The following TRPC6 variants were observed in gnomAD, a reference collection of about 807,000 sequenced individuals.
The protein encoded by TRPC6 is transient receptor potential cation channel subfamily C member 6.
In TRPC6, 55 loss-of-function variants were observed where a neutral mutation model predicts 90.7. That is an observed-to-expected ratio of 0.61 (90% CI 0.49 to 0.76). TRPC6 has a LOEUF of 0.76. TRPC6 is among the 30% of genes least tolerant of loss of function. TRPC6 has a pLI of 0.00. For missense variants in TRPC6, 989 were observed against 1,122.7 expected, an observed-to-expected ratio of 0.88 and a Z score of 1.70; for synonymous variants, 393 against 393.0, an observed-to-expected ratio of 1.00 and a Z score of 0.00.
intron 1 of TRPC6, among the ~76,000 whole-genome samples, chr11:101,515,289 T>C (rs1860491401): frequency 6.6e-6 from 1 of 152,212 alleles, no homozygotes; most frequent in South Asian, 2.1e-4. Context: ...TGACCTCGTT[T>C]GTTTTTTTTG....
intron 5 of TRPC6, among the ~76,000 whole-genome samples, chr11:101,479,899 C>T (rs569954816): frequency 5.3e-5 from 8 of 152,160 alleles, no homozygotes; most frequent in Non-Finnish European, 1.0e-4. Flanking sequence ...ACTGAGACGG[C>T]TGGGCACGGT....
At chr11:101,478,200 T>G (rs1859459332) in intron 5 of TRPC6, among the ~76,000 whole-genome samples, 1 of 152,216 alleles carries the variant, frequency 6.6e-6, no homozygotes, top group African/African-American at 2.4e-5. Context: ...ATGTGCCTTT[T>G]CTTAAAGCCA....
At chr11:101,545,297 G>T (rs547761270) in intron 1 of TRPC6, among the ~76,000 whole-genome samples, 2 of 152,256 alleles carry the variant, frequency 1.3e-5, no homozygotes, top group South Asian at 2.1e-4. Flanking sequence ...ATTAGGTTTT[G>T]TAAGTAATAT....
chr11:101,501,127 ACAT>A (rs879602862), intron 2 of TRPC6, among the ~76,000 whole-genome samples: 23 of 151,002 alleles, frequency 1.5e-4, no homozygotes, highest in Middle Eastern at 3.4e-3. Context: ...ATACATACAT[ACAT>A]ACCATGAACA....
intron 5 of TRPC6, among the ~76,000 whole-genome samples, chr11:101,479,609 C>CAACT (rs1205867200): frequency 3.3e-5 from 5 of 152,206 alleles, no homozygotes; most frequent in African/African-American, 1.2e-4. Context: ...CCAGAAAGTA[C>CAACT]AACTTTCTTT....
chr11:101,572,696 A>T (rs1013838605), intron 1 of TRPC6, among the ~76,000 whole-genome samples: 2 of 152,222 alleles, frequency 1.3e-5, no homozygotes, highest in Non-Finnish European at 2.9e-5. Flanking sequence ...GGATGAGTTC[A>T]TGTCCTTTGT....
chr11:101,575,593 A>G (rs545769475), intron 1 of TRPC6, among the ~76,000 whole-genome samples: 1 of 152,336 alleles, frequency 6.6e-6, no homozygotes, highest in South Asian at 2.1e-4. Flanking sequence ...CCTAGCACAC[A>G]GAAGTCGCTA....
At chr11:101,551,236 T>C (rs1413351531) in intron 1 of TRPC6, among the ~76,000 whole-genome samples, 1 of 152,016 alleles carries the variant, frequency 6.6e-6, no homozygotes, top group Non-Finnish European at 1.5e-5. Flanking sequence ...TTAAATACAG[T>C]CAGTGAAACT....
intron 10 of TRPC6, among the ~76,000 whole-genome samples, chr11:101,463,724 G>T (rs1039394639): frequency 5.9e-5 from 9 of 151,462 alleles, no homozygotes; most frequent in African/African-American, 2.2e-4. Context: ...CCTGGCTAGT[G>T]GTCTATTTTG....
rs2136707648 is a variant in TRPC6, at chr11:101,491,714, G to T, written c.970C>A (p.Gln324Lys). ...AGTCCAACAACAAAGTCTTTGCACT[G>T]CATTGACAGTTTTTTGTAGTCATTC... is the stretch of plus-strand genomic sequence containing the variant. The part of the protein sequence containing the change: ...FKNDYKKLSM[Q>K]CKDFVVGLLD... Residue 324 changes from glutamine to lysine, a missense_variant, in exon 3 of 13, where the codon CAG (glutamine) becomes AAG (lysine). Transcript: ENST00000344327. 1.2e-6 allele frequency: 2 copies of T among 1,613,470 alleles called. No homozygotes were observed. Among genetic ancestry groups the T allele is most frequent in the Non-Finnish European group, 1.7e-6 (2 of 1,179,884 alleles).
intron 1 of TRPC6, among the ~76,000 whole-genome samples, chr11:101,531,295 C>T (rs1860907031): frequency 6.6e-6 from 1 of 152,130 alleles, no homozygotes; most frequent in South Asian, 2.1e-4. Context: ...GATATTAGTA[C>T]CAGCACTTTA....
chr11:101,475,900 A>G (rs1415002702), intron 6 of TRPC6, among the ~76,000 whole-genome samples: 2 of 151,196 alleles, frequency 1.3e-5, no homozygotes, highest in Non-Finnish European at 3.0e-5. Flanking sequence ...GTGTGTGCAT[A>G]TATACACACA....
chr11:101,461,650 T>C (rs1347082740), intron 10 of TRPC6, among the ~76,000 whole-genome samples: 1 of 152,190 alleles, frequency 6.6e-6, no homozygotes, highest in Non-Finnish European at 1.5e-5. Flanking sequence ...TTCAGTAACA[T>C]TTTCCCCTTT....
rs1041474648 is a variant in TRPC6, at chr11:101,473,885, G to A, written c.1745-112C>T. On this transcript the variant is annotated intron_variant, in intron 6 of 12. Transcript: ENST00000344327. ...TATGTTAGAATCCGGTTTTCGAATG[G>A]AAGTCTCCTATCTTAAAGGGCTTCT... The A allele has an allele frequency of 4.8e-6, 7 of 1,465,062 alleles. No individual in the cohort carries two copies. In the Admixed American group the frequency reaches 7.2e-5, roughly 15 times the overall value. 90.8% of individuals were successfully genotyped at this position (1,465,062 alleles called of 1,614,324 possible).
intron 1 of TRPC6, among the ~76,000 whole-genome samples, chr11:101,569,980 A>G (rs1460105375): frequency 7.9e-6 from 1 of 127,234 alleles, no homozygotes; most frequent in Non-Finnish European, 1.9e-5. Flanking sequence ...AAGAGCAAAC[A>G]AACTCAATAA....
Position 101,583,348 on chromosome 11 carries a change from G to T in TRPC6, c.156C>A (p.Gly52=). 1 of 1,592,124 alleles carries T rather than the reference G, an allele frequency of 6.3e-7. No homozygotes were observed. Among genetic ancestry groups the T allele is most frequent in the Non-Finnish European group, 8.5e-7 (1 of 1,169,800 alleles). ...GCPQAPLPCY[G]YYPCFRGSDN... ...CCGGCACTCACAAGCAGGGGTAGTA[G>T]CCGTAGCAAGGCAGCGGGGCTTGCG... Residue 52 remains glycine, a synonymous_variant, in exon 1 of 13, where the codon GGC becomes GGA. Transcript: ENST00000344327.
chr11:101,579,366 AT>A (rs1372623467), intron 1 of TRPC6, among the ~76,000 whole-genome samples: 2 of 151,932 alleles, frequency 1.3e-5, no homozygotes, highest in African/African-American at 4.8e-5. Context: ...ATGTGGTTGT[AT>A]TATCTCAACT....
intron 5 of TRPC6, among the ~76,000 whole-genome samples, chr11:101,477,813 A>G (rs1369579425): frequency 6.6e-6 from 1 of 152,322 alleles, no homozygotes; most frequent in East Asian, 1.9e-4. Flanking sequence ...TATGACTAAC[A>G]TTTATTGAGT....
intron 1 of TRPC6, among the ~76,000 whole-genome samples, chr11:101,512,090 C>T (rs993369005): frequency 6.6e-6 from 1 of 152,092 alleles, no homozygotes; most frequent in African/African-American, 2.4e-5. Context: ...GAGTGAGCAC[C>T]CATCTTCACA....
Sources: allele counts gnomAD v4.1 joint callset (sites outside exome capture counted in the v4.1 genomes callset), GRCh38; gene constraint gnomAD v4.1.1; transcripts MANE v1.5; gene names NCBI Gene and HGNC (gene_info 2026-07-23, HGNC 2026-07-21).